The following C12orf42 variants were observed in gnomAD, a reference collection of about 807,000 sequenced individuals.
The protein encoded by C12orf42 is chromosome 12 open reading frame 42, also known as uncharacterized protein C12orf42.
A neutral mutation model predicts 21.6 loss-of-function variants in C12orf42; 25 were observed. The observed-to-expected ratio is 1.16, with a 90% CI of 0.84 to 1.62. The LOEUF (loss-of-function observed/expected upper bound fraction) is 1.62, where lower values mean the gene tolerates loss of function less well. Ranked by LOEUF, C12orf42 falls within the 40% of genes most tolerant of loss-of-function variation. The probability of loss-of-function intolerance (pLI) is 0.00; values close to 1 mark genes in which losing one functional copy is unlikely to be tolerated. For synonymous variants in C12orf42, 174 were observed against 175.0 expected (o/e 0.99, Z 0.05); for missense variants, 483 against 459.3 (o/e 1.05, Z -0.47).
the C12orf42 span, among the ~76,000 whole-genome samples, chr12:103,095,070 G>A: frequency 6.3e-3 from 966 of 152,212 alleles, 12 homozygotes; most frequent in African/African-American, 0.022. Context: ...TCCCGCCAGC[G>A]TTTCTTACCA....
At chr12:103,185,356 T>C in the C12orf42 span, among the ~76,000 whole-genome samples, 3 of 152,212 alleles carry the variant, frequency 2.0e-5, no homozygotes, top group East Asian at 5.8e-4. Flanking sequence ...AGGTAGGAAG[T>C]TATGATTGTG....
chr12:103,208,281 C>A, the C12orf42 span, among the ~76,000 whole-genome samples: 3 of 152,296 alleles, frequency 2.0e-5, no homozygotes, highest in East Asian at 5.8e-4. Flanking sequence ...ACACTAATAC[C>A]AAGCCACTAG....
At chr12:103,392,865 T>C (rs1222644819) in intron 3 of C12orf42, among the ~76,000 whole-genome samples, 2 of 152,002 alleles carry the variant, frequency 1.3e-5, no homozygotes, top group African/African-American at 4.8e-5. Flanking sequence ...TAGCAGAAAA[T>C]GCAAATTTGA....
At chr12:103,328,418 A>T (rs757507369) in intron 4 of C12orf42, among the ~76,000 whole-genome samples, 25 of 152,342 alleles carry the variant, frequency 1.6e-4, no homozygotes, top group Middle Eastern at 3.4e-3. Context: ...TGCTGAGCAG[A>T]TAAAAGTAAC....
intron 2 of C12orf42, among the ~76,000 whole-genome samples, chr12:103,402,301 C>T (rs774975427): frequency 6.6e-6 from 1 of 152,216 alleles, no homozygotes; most frequent in Non-Finnish European, 1.5e-5. Flanking sequence ...AACAATTTTA[C>T]TTAAATATCA....
the C12orf42 span, among the ~76,000 whole-genome samples, chr12:103,130,557 G>A: frequency 6.6e-6 from 1 of 152,104 alleles, no homozygotes; most frequent in African/African-American, 2.4e-5. Context: ...TGACTCTAAG[G>A]GAAAGGTTAG....
At chr12:103,107,863 GAAAT>G in the C12orf42 span, among the ~76,000 whole-genome samples, 2 of 150,992 alleles carry the variant, frequency 1.3e-5, no homozygotes, top group African/African-American at 4.9e-5. Context: ...AGAGAAGAAA[GAAAT>G]AGTCAAAATT....
At chr12:103,214,813 C>A in the C12orf42 span, among the ~76,000 whole-genome samples, 3 of 152,226 alleles carry the variant, frequency 2.0e-5, no homozygotes, top group African/African-American at 7.2e-5. Context: ...AAGCTTGGCC[C>A]ATGGAGGGAG....
the C12orf42 span, among the ~76,000 whole-genome samples, chr12:103,140,319 C>G: frequency 6.6e-6 from 1 of 152,192 alleles, no homozygotes; most frequent in African/African-American, 2.4e-5. Flanking sequence ...CTGACCTAAT[C>G]TAGTCTAAAT....
At chr12:103,551,122 C>A in the C12orf42 span, among the ~76,000 whole-genome samples, 1 of 152,094 alleles carries the variant, frequency 6.6e-6, no homozygotes, top group African/African-American at 2.4e-5. Flanking sequence ...TGAATAACTT[C>A]TCTTCTAAGT....
At chr12:103,315,930 T>A (rs2039433091) in intron 4 of C12orf42, among the ~76,000 whole-genome samples, 1 of 151,744 alleles carries the variant, frequency 6.6e-6, no homozygotes, top group African/African-American at 2.4e-5. Context: ...ATGGGGCCAT[T>A]CCACAGGTAT....
chr12:103,309,046 T>C (rs80211468), intron 4 of C12orf42, among the ~76,000 whole-genome samples: 1,540 of 152,344 alleles, frequency 0.01, 17 homozygotes, highest in African/African-American at 0.035. Flanking sequence ...TAAATTTGGA[T>C]CTCTGGTCTC....
chr12:103,086,102 A>G, the C12orf42 span, among the ~76,000 whole-genome samples: 9 of 152,168 alleles, frequency 5.9e-5, no homozygotes, highest in Non-Finnish European at 1.3e-4. Context: ...GATAATATAA[A>G]CAATCTATTT....
chr12:103,426,340 C>T (rs1949808168), intron 2 of C12orf42, among the ~76,000 whole-genome samples: 1 of 152,034 alleles, frequency 6.6e-6, no homozygotes, highest in African/African-American at 2.4e-5. Flanking sequence ...CTGAATTGAT[C>T]AAGTGGAAGA....
chr12:103,192,944 T>C, the C12orf42 span, among the ~76,000 whole-genome samples: 1 of 152,180 alleles, frequency 6.6e-6, no homozygotes, highest in Non-Finnish European at 1.5e-5. Context: ...ATATACCTTC[T>C]TCTCAAGCAC....
chr12:103,366,142 A>G lies in C12orf42; in HGVS notation c.259+2745T>C, dbSNP rs189486707. Reference sequence around the variant, plus strand: ...CATAGACCAATGGAACAGAATAGCAAACCCAGAGATAAACCTAAATACTTA... The same window carrying G: ...CATAGACCAATGGAACAGAATAGCAGACCCAGAGATAAACCTAAATACTTA... On this transcript the variant is annotated intron_variant, in intron 4 of 5. Coordinates refer to ENST00000548883, the MANE Select transcript of C12orf42 (RefSeq NM_198521.5). Among the ~76,000 whole-genome samples, 17 of 152,190 alleles carry G rather than the reference A, an allele frequency of 1.1e-4. No individual in the cohort carries two copies. The East Asian group carries it at 2.9e-3, about 26-fold the overall frequency.
At chr12:103,364,230 C>A (rs2044379190) in intron 4 of C12orf42, among the ~76,000 whole-genome samples, 1 of 152,082 alleles carries the variant, frequency 6.6e-6, no homozygotes, top group Admixed American at 6.6e-5. Flanking sequence ...ATTAAATAAT[C>A]TCTTCCTGAA....
chr12:103,506,857 A>AATATATATAT, the C12orf42 span, among the ~76,000 whole-genome samples: 2 of 77,020 alleles, frequency 2.6e-5, no homozygotes, highest in Admixed American at 2.3e-4. Flanking sequence ...ATATTTATAT[A>AATATATATAT]TTATATATAT....
intron 10 of C12orf42, among the ~76,000 whole-genome samples, chr12:103,242,120 C>T (rs2033777958): frequency 6.6e-6 from 1 of 152,134 alleles, no homozygotes; most frequent in Admixed American, 6.6e-5. Flanking sequence ...GTCAACTACT[C>T]TTCCAAGTCT....
Sources: gnomAD v4.1 joint callset for allele counts (sites outside exome capture counted in the v4.1 genomes callset) on GRCh38, gnomAD v4.1.1 for gene constraint, MANE v1.5 for transcripts, NCBI Gene and HGNC (gene_info 2026-07-23, HGNC 2026-07-21) for gene names.